Variants in TCOF1 observed in about 807,000 individuals in gnomAD.
TCOF1 encodes the protein treacle protein.
In TCOF1, 33 loss-of-function variants were observed where a neutral mutation model predicts 149.0. The observed-to-expected ratio is 0.22, with a 90% CI of 0.17 to 0.30. The LOEUF (loss-of-function observed/expected upper bound fraction) is 0.30, where lower values mean the gene tolerates loss of function less well. Ranked by LOEUF, TCOF1 falls within the 10% of genes least tolerant of loss-of-function variation. TCOF1 has a pLI of 1.00. For missense variants in TCOF1, 1,728 were observed against 1,840.7 expected (o/e 0.94, Z 1.12); for synonymous variants, 789 against 738.8 (o/e 1.07, Z -1.10).
At chr5:150,373,611 C>T (rs1763027458) in intron 7 of TCOF1, among the ~76,000 whole-genome samples, 2 of 152,172 alleles carry the variant, frequency 1.3e-5, no homozygotes, top group African/African-American at 4.8e-5. Flanking sequence ...GCCAGGTGTG[C>T]AAACCTTGCC....
At chr5:150,398,897 C>T (rs575882401) in intron 25 of TCOF1, 125 bp from the exon 26 acceptor site, 1 of 1,350,126 alleles carries the variant, frequency 7.4e-7, no homozygotes, top group South Asian at 1.2e-5. Flanking sequence ...TTGCCTCTGC[C>T]CTTGGAGGTC....
intron 7 of TCOF1, 135 bp from the exon 8 acceptor site, chr5:150,374,039 C>A: frequency 1.0e-6 from 1 of 966,366 alleles, no homozygotes; most frequent in Non-Finnish European, 1.6e-6. Flanking sequence ...GCCAAAGTAT[C>A]AGTCAAGGTG....
chr5:150,392,334 A>T, intron 21 of TCOF1, 158 bp downstream of exon 21: 1 of 725,956 alleles, frequency 1.4e-6, no homozygotes, highest in Non-Finnish European at 2.2e-6. Flanking sequence ...CTTCATGAGG[A>T]AGTCAATCCA....
At chr5:150,381,666 G>A (rs1018981605) in intron 17 of TCOF1, among the ~76,000 whole-genome samples, 1 of 152,216 alleles carries the variant, frequency 6.6e-6, no homozygotes, top group African/African-American at 2.4e-5. Flanking sequence ...GGGCTGTGTA[G>A]TTTTTTTGTT....
Position 150,375,375 on chromosome 5 carries a change from G to T in TCOF1, c.1525G>T (p.Ala509Ser). The change falls in exon 11 of 27, where the codon GCC becomes TCC. Residue 509 changes from alanine to serine, a missense_variant. Ala to Ser is a moderately conservative substitution (Grantham distance 99). Around this residue, in one of 2 missense-constraint regions of TCOF1, gnomAD observed 1,696 missense variants for 1,765.4 expected, o/e 0.96. Transcript: ENST00000643257. ...GGGGAAAAGCCCCCAGGTGAAACCT[G>T]CCTCTACCATGGGCATGGGGCCCTT... ...PLGKSPQVKP[A>S]STMGMGPLGK... 6.2e-7 allele frequency: 1 copy of T among 1,612,342 alleles called. No individual in the cohort carries two copies. The highest frequency in any genetic ancestry group is 8.5e-7 in the Non-Finnish European group (1 of 1,179,750).
At chr5:150,385,105 C>T in intron 17 of TCOF1, 1 of 980,410 alleles carries the variant, frequency 1.0e-6, no homozygotes, top group South Asian at 4.7e-5. Context: ...TTAGCTATTC[C>T]ACAATGTATA....
At chr5:150,389,058 T>C (rs1363322960) in intron 18 of TCOF1, among the ~76,000 whole-genome samples, 1 of 152,206 alleles carries the variant, frequency 6.6e-6, no homozygotes, top group African/African-American at 2.4e-5. Flanking sequence ...CTGGGCAACA[T>C]AGTGAGAGCC....
rs1221181269 is a variant in TCOF1 at position 150,379,641 on chromosome 5, C to T, written c.2768C>T (p.Ala923Val). Reference protein sequence around the residue: ...PTPPGKTGPSAAQAGKQDDSG... With the variant: ...PTPPGKTGPSVAQAGKQDDSG... Reference sequence around the variant, plus strand: ...CCTCCTGGGAAGACAGGGCCTTCGGCTGCCCAGGCAGGGAAGCAGGATGAC... The same window carrying T: ...CCTCCTGGGAAGACAGGGCCTTCGGTTGCCCAGGCAGGGAAGCAGGATGAC... Residue 923 changes from alanine to valine, a missense_variant, in exon 17 of 27, where the codon GCT (alanine) becomes GTT (valine). By Grantham distance (64) the Ala-to-Val change is moderately conservative (BLOSUM62 0). This residue lies in a region of TCOF1 where 1,696 missense variants were observed against 1,765.4 expected (regional missense o/e 0.96). Coordinates refer to ENST00000643257, the MANE Select transcript of TCOF1 (RefSeq NM_001371623.1). 1 of 1,613,536 alleles carries T rather than the reference C, an allele frequency of 6.2e-7. No individual in the cohort carries two copies. Among genetic ancestry groups the T allele is most frequent in the African/African-American group, 1.3e-5 (1 of 74,736 alleles).
rs1764396230 is a variant in TCOF1 at position 150,378,909 on chromosome 5, A to T, written c.2345A>T (p.Lys782Ile). 1.4e-5 allele frequency: 22 copies of T among 1,613,964 alleles called. No individual in the cohort carries two copies. The East Asian group carries it at 4.7e-4, about 34-fold the overall frequency. Residue 782 changes from lysine to isoleucine, a missense_variant, in exon 15 of 27, where the codon AAA becomes ATA. Transcript: ENST00000643257. Reference protein sequence around the residue: ...EEAAASPAQVKTSVKKTQAKA... With the variant: ...EEAAASPAQVITSVKKTQAKA... The stretch of plus-strand genomic sequence containing the variant: ...AATTCCCTTTTCTCCACTCAGGTGA[A>T]AACCTCAGTAAAGAAAACCCAGGCC...
At chr5:150,374,582 C>G (rs765856800) in intron 8 of TCOF1, 35 bp from the exon 9 acceptor site, 7 of 1,612,322 alleles carry the variant, frequency 4.3e-6, no homozygotes. Context: ...ACACGTCCAT[C>G]CTCTGGGCTG....
At chr5:150,386,823 G>T (rs953127449) in intron 17 of TCOF1, among the ~76,000 whole-genome samples, 4 of 152,236 alleles carry the variant, frequency 2.6e-5, no homozygotes, top group African/African-American at 4.8e-5. Flanking sequence ...GCCTGGAGAT[G>T]CCCTCGTGTG....
rs553792496 is a variant in TCOF1, at chr5:150,368,777, C to T, written c.440C>T (p.Thr147Met). 2.9e-5 allele frequency: 47 copies of T among 1,613,952 alleles called. No individual in the cohort carries two copies. The highest frequency in any genetic ancestry group is 3.3e-4 in the Middle Eastern group (2 of 6,084). ...ATGCCACACCCTGCCACTGGGAAGA[C>T]GGTGGCCAACCTTCTTTCTGGGAAG... The part of the protein sequence containing the change: ...NSMPHPATGK[T>M]VANLLSGKSP... Residue 147 changes from threonine to methionine, a missense_variant, in exon 5 of 27, where the codon ACG becomes ATG. Around this residue, in one of 2 missense-constraint regions of TCOF1, gnomAD observed 1,696 missense variants for 1,765.4 expected, o/e 0.96. Coordinates refer to ENST00000643257, the MANE Select transcript of TCOF1 (RefSeq NM_001371623.1).
At chr5:150,387,415 T>C (rs1360971060) in intron 17 of TCOF1, among the ~76,000 whole-genome samples, 2 of 152,120 alleles carry the variant, frequency 1.3e-5, no homozygotes, top group Non-Finnish European at 2.9e-5. Flanking sequence ...ACCTCTGGGG[T>C]TGGGGCAACT....
intron 25 of TCOF1, among the ~76,000 whole-genome samples, 190 bp from the exon 26 acceptor site, chr5:150,398,832 G>A (rs1208385946): frequency 2.0e-5 from 3 of 152,260 alleles, no homozygotes; most frequent in Non-Finnish European, 2.9e-5. Flanking sequence ...CACAGATGAA[G>A]TTCTCACCTT....
chr5:150,357,976 ACGGCG>A, intron 1 of TCOF1, 122 bp downstream of exon 1: 1 of 957,580 alleles, frequency 1.0e-6, no homozygotes, highest in Non-Finnish European at 1.5e-6. Flanking sequence ...GCAGTGCTCG[ACGGCG>A]CGGCCAGGGG....
intron 7 of TCOF1, among the ~76,000 whole-genome samples, chr5:150,373,142 G>A (rs1484496453): frequency 1.3e-5 from 2 of 151,948 alleles, no homozygotes; most frequent in East Asian, 3.9e-4. Flanking sequence ...GTGCAGTAGC[G>A]GCAATCATAG....
rs773266881 is a variant in TCOF1 at position 150,374,694 on chromosome 5, C to A, written c.1161C>A (p.Ala387=). The change falls in exon 9 of 27, where the codon GCC becomes GCA. Residue 387 remains alanine, a synonymous_variant. Transcript: ENST00000643257. The part of the protein sequence containing the change: ...PAKESPRKGA[A]PAPPGKTGPA... The stretch of plus-strand genomic sequence containing the variant: ...AGGAGTCCCCCAGGAAAGGAGCTGC[C>A]CCAGCGCCCCCTGGGAAGACAGGGC... The A allele has an allele frequency of 4.3e-6, 7 of 1,613,494 alleles. No homozygotes were observed. In the Admixed American group the frequency reaches 1.0e-4, roughly 23 times the overall value.
chr5:150,374,095 G>A (rs1763148974), intron 7 of TCOF1, 79 bp from the exon 8 acceptor site: 1 of 1,473,502 alleles, frequency 6.8e-7, no homozygotes, highest in East Asian at 2.4e-5. Context: ...CCTCATTAAG[G>A]CCTCTGGACT....
In TCOF1 at chr5:150,399,935, T is replaced by A. The variant is rs1439234335; in HGVS notation, c.*148T>A. 1 of 152,258 alleles carries A rather than the reference T, an allele frequency of 6.6e-6. No homozygotes were observed. The highest frequency in any genetic ancestry group is 1.9e-4 in the East Asian group (1 of 5,170). 9.4% of individuals were successfully genotyped at this position (152,258 alleles called of 1,614,324 possible). A position where few individuals can be genotyped will look rare whatever the true frequency, so the allele number is the denominator to read the frequency against. On this transcript the variant is annotated 3_prime_UTR_variant, in exon 27 of 27. Coordinates refer to ENST00000643257, the MANE Select transcript of TCOF1 (RefSeq NM_001371623.1). ...AGAAGAAGACAGCCAGCTTCAGGGGTCCCTGTGCTGGCCAAGCCAGTGAGC... is the reference window on the plus strand; with the variant it reads ...AGAAGAAGACAGCCAGCTTCAGGGGACCCTGTGCTGGCCAAGCCAGTGAGC...
Sources: gnomAD v4.1 joint callset for allele counts (sites outside exome capture counted in the v4.1 genomes callset) on GRCh38, gnomAD v4.1.1 for gene constraint, gnomAD v4.1.1 regional missense constraint, MANE v1.5 for transcripts, NCBI Gene and HGNC (gene_info 2026-07-23, HGNC 2026-07-21) for gene names.